Variants in ABCA9 observed in about 807,000 individuals in gnomAD.
The protein encoded by ABCA9 is ATP binding cassette subfamily A member 9, also known as ATP-binding cassette sub-family A member 9.
Under a neutral mutation model 205.3 loss-of-function variants are expected in ABCA9, and 183 were observed. The ratio of observed to expected loss-of-function variants is 0.89; its 90% CI spans 0.79 to 1.01. The LOEUF is 1.01. Among genes scored for constraint, ABCA9 ranks in the 50% least tolerant of loss-of-function variants. The probability of loss-of-function intolerance (pLI) is 0.00; values close to 1 mark genes in which losing one functional copy is unlikely to be tolerated. For synonymous variants in ABCA9, 651 were observed against 683.3 expected, an observed-to-expected ratio of 0.95 and a Z score of 0.74; for missense variants, 1,805 against 1,912.4, an observed-to-expected ratio of 0.94 and a Z score of 1.05.
intron 8 of ABCA9, among the ~76,000 whole-genome samples, chr17:69,034,435 G>A (rs2071267502): frequency 6.6e-6 from 1 of 151,940 alleles, no homozygotes; most frequent in Non-Finnish European, 1.5e-5. Context: ...TGCCCAGGGT[G>A]GTCTTGAACT....
intron 25 of ABCA9, chr17:69,004,624 C>T (rs2070042083): frequency 6.5e-6 from 1 of 153,548 alleles, no homozygotes; most frequent in Non-Finnish European, 1.4e-5. Flanking sequence ...CCTCCTTGAG[C>T]TGTGGTGGGC....
chr17:68,981,056 C>G (rs1401438606), intron 37 of ABCA9, among the ~76,000 whole-genome samples: 2 of 151,568 alleles, frequency 1.3e-5, no homozygotes, highest in Non-Finnish European at 2.9e-5. Context: ...CTAAATAAGT[C>G]AAACTCAGAA....
At position 68,983,727 on chromosome 17, in the gene ABCA9, T is replaced by A. The variant is rs142538535; in HGVS notation, c.4622A>T (p.Gln1541Leu). The A allele has an allele frequency of 4.3e-6, 7 of 1,614,086 alleles. No individual in the cohort carries two copies. Among genetic ancestry groups the A allele is most frequent in the Non-Finnish European group, 5.9e-6 (7 of 1,180,020 alleles). Reference protein sequence around the residue: ...LHAEILRLFPQAAQQERFSSL... With the variant: ...LHAEILRLFPLAAQQERFSSL... ...TGTCTACCTTTCCTGCTGAGCAGCC[T>A]GGGGGAAAAGCCTCAGGATCTCTGC... Residue 1541 changes from glutamine (Q) to leucine (L), a missense_variant, in exon 36 of 39, where the codon CAG becomes CTG. Physicochemically the swap from Gln to Leu is moderately radical, Grantham distance 113. Transcript: ENST00000340001.
At chr17:68,992,754 G>C in intron 27 of ABCA9, 1 of 312,006 alleles carries the variant, frequency 3.2e-6, no homozygotes, top group South Asian at 4.7e-5. Context: ...TGGAGGTTGT[G>C]GTGAGCTGAG....
In ABCA9 at chr17:69,044,492, C is replaced by T; in HGVS notation, c.573+5G>A. The T allele has an allele frequency of 6.2e-7, 1 of 1,611,354 alleles. No homozygotes were observed. ...GTGGTTAGATTCCTTTAACTTTATA[C>T]TCACTTCTATGATAGCAGCATTAAT... On this transcript the variant is annotated splice_donor_5th_base_variant and intron_variant, in intron 5 of 38. Coordinates refer to ENST00000340001, the MANE Select transcript of ABCA9 (RefSeq NM_080283.4).
chr17:69,043,319 T>G (rs1317053670), intron 6 of ABCA9, 170 bp downstream of exon 6: 1 of 557,100 alleles, frequency 1.8e-6, no homozygotes, highest in East Asian at 3.0e-5. Flanking sequence ...ACATGAAGCT[T>G]TGCTCACTTG....
At chr17:68,992,821 A>G (rs1041725326) in intron 27 of ABCA9, 195 bp downstream of exon 27, 16 of 408,386 alleles carry the variant, frequency 3.9e-5, no homozygotes, top group African/African-American at 2.6e-4. Context: ...CTCAAAAAAA[A>G]AAAAGGGGGG....
chr17:69,002,604 G>C lies in ABCA9; in HGVS notation c.3435+5155C>G, dbSNP rs189568576. On this transcript the variant is annotated intron_variant, in intron 25 of 38. Coordinates refer to ENST00000340001, the MANE Select transcript of ABCA9 (RefSeq NM_080283.4). ...AAAAAATGTATTCTGTTGATTTGGG[G>C]TGGAGAGTTCTGTAGATGTCTATTA... Among the ~76,000 whole-genome samples the C allele has an allele frequency of 2.4e-3, 362 of 152,268 alleles. 2 individuals carry two copies. Among genetic ancestry groups the C allele is most frequent in the African/African-American group, 8.3e-3 (345 of 41,538 alleles).
At chr17:69,057,592 G>C (rs935940196) in intron 1 of ABCA9, among the ~76,000 whole-genome samples, 2 of 152,156 alleles carry the variant, frequency 1.3e-5, no homozygotes, top group African/African-American at 4.8e-5. Context: ...GGATATGTCT[G>C]TCCAAAAGCC....
At chr17:68,977,673 C>T (rs1263048012) in intron 37 of ABCA9, among the ~76,000 whole-genome samples, 1 of 152,150 alleles carries the variant, frequency 6.6e-6, no homozygotes, top group African/African-American at 2.4e-5. Flanking sequence ...AAAGGATTGC[C>T]ATGGAGCAGG....
intron 22 of ABCA9, among the ~76,000 whole-genome samples, chr17:69,014,424 T>G (rs2070507439): frequency 6.6e-6 from 1 of 152,260 alleles, no homozygotes; most frequent in East Asian, 1.9e-4. Context: ...TAAATGCAAA[T>G]ATTCCAAAAT....
chr17:69,026,489 ATAAGT>A, intron 15 of ABCA9, 22 bp from the exon 16 acceptor site: 1 of 1,581,020 alleles, frequency 6.3e-7, no homozygotes, highest in Non-Finnish European at 8.7e-7. Flanking sequence ...TAATCAAAAG[ATAAGT>A]TACATGAAGG....
intron 17 of ABCA9, among the ~76,000 whole-genome samples, chr17:69,022,702 T>C (rs2070859987): frequency 6.6e-6 from 1 of 151,212 alleles, no homozygotes; most frequent in Non-Finnish European, 1.5e-5. Context: ...GGACAAAATA[T>C]GTATGTAACT....
intron 18 of ABCA9, chr17:69,020,869 C>T (rs926108870): frequency 2.4e-5 from 7 of 295,478 alleles, no homozygotes; most frequent in Non-Finnish European, 3.7e-5. Context: ...AAAAAAAACT[C>T]ATTAAGAAAT....
chr17:69,012,125 A>T, intron 22 of ABCA9, 42 bp from the exon 23 acceptor site: 1 of 1,305,566 alleles, frequency 7.7e-7, no homozygotes, highest in Non-Finnish European at 1.1e-6. Context: ...GCGATTGGGC[A>T]TCTGTTTCAT....
Position 69,043,600 on chromosome 17 carries a change from C to A in ABCA9, c.689G>T (p.Cys230Phe), listed in dbSNP as rs1032763383. The change falls in exon 6 of 39, where the codon TGC becomes TTC. Residue 230 changes from cysteine (C) to phenylalanine (F), a missense_variant. Coordinates refer to ENST00000340001, the MANE Select transcript of ABCA9 (RefSeq NM_080283.4). ...GVATDFFIFFCIISFSTFIYY... is the reference protein window; with the variant it reads ...GVATDFFIFFFIISFSTFIYY... ...TATAAATGTAGAAAAAGAAATAATG[C>A]AAAAGAAAATGAAAAAATCAGTTGC... 6.2e-7 allele frequency: 1 copy of A among 1,612,960 alleles called. No homozygotes were observed. Among genetic ancestry groups the A allele is most frequent in the Admixed American group, 1.7e-5 (1 of 59,862 alleles).
intron 6 of ABCA9, among the ~76,000 whole-genome samples, chr17:69,041,184 G>T (rs4968989): frequency 0.97 from 147,328 of 152,276 alleles, 71,293 homozygotes; most frequent in East Asian, 1. Flanking sequence ...TTATTTTTAA[G>T]GGCTAATTGT....
At chr17:69,054,836 T>C (rs1251541070) in intron 1 of ABCA9, among the ~76,000 whole-genome samples, 6 of 152,122 alleles carry the variant, frequency 3.9e-5, no homozygotes, top group Non-Finnish European at 8.8e-5. Context: ...TTTGTTATTA[T>C]AAGATACGCT....
At chr17:69,031,778 G>A (rs186787617) in intron 10 of ABCA9, among the ~76,000 whole-genome samples, 7 of 152,284 alleles carry the variant, frequency 4.6e-5, no homozygotes, top group East Asian at 1.9e-4. Flanking sequence ...CAAGGGAGAC[G>A]ATGGCAGTGT....
Sources: allele counts gnomAD v4.1 joint callset (sites outside exome capture counted in the v4.1 genomes callset), GRCh38; gene constraint gnomAD v4.1.1; transcripts MANE v1.5; gene names NCBI Gene and HGNC (gene_info 2026-07-23, HGNC 2026-07-21).